PODXL: variants seen among roughly 807,000 people sequenced by gnomAD.
The protein encoded by PODXL is podocalyxin.
A neutral mutation model predicts 48.9 loss-of-function variants in PODXL; 20 were observed. The ratio of observed to expected loss-of-function variants is 0.41; its 90% CI spans 0.29 to 0.59. The LOEUF is 0.59. PODXL is among the 20% of genes least tolerant of loss of function. PODXL has a pLI of 0.31. For missense variants in PODXL, 606 were observed against 675.1 expected (o/e 0.90, Z 1.13); for synonymous variants, 295 against 287.4 (o/e 1.03, Z -0.27).
chr7:131,535,588 G>C (rs1174987680), intron 1 of PODXL, among the ~76,000 whole-genome samples: 2 of 152,186 alleles, frequency 1.3e-5, no homozygotes, highest in Non-Finnish European at 2.9e-5. Context: ...GGGCCATACA[G>C]TCTCTGCCGC....
At chr7:131,527,307 G>A (rs1798203940) in intron 1 of PODXL, among the ~76,000 whole-genome samples, 1 of 152,022 alleles carries the variant, frequency 6.6e-6, no homozygotes, top group Non-Finnish European at 1.5e-5. Flanking sequence ...AATAATATTA[G>A]GCAATAAAAG....
Position 131,505,916 on chromosome 7 carries a change from C to T in PODXL, c.1431G>A (p.Ala477=), listed in dbSNP as rs138478935. ...VCMASFLLLV[A]ALYGCCHQRL... ...GCTGGTGGCAGCAGCCATAGAGGGC[C>T]GCCACGAGGAGCAGGAATGATGCCA... Residue 477 remains alanine (A), a synonymous_variant, in exon 8 of 9, where the codon GCG becomes GCA. Coordinates refer to ENST00000378555, the MANE Select transcript of PODXL (RefSeq NM_001018111.3). The T allele has an allele frequency of 4.4e-5, 69 of 1,585,938 alleles. No homozygotes were observed. The highest frequency in any genetic ancestry group is 4.0e-4 in the African/African-American group (30 of 74,810).
rs1317840933 is a variant in PODXL at position 131,509,368 on chromosome 7, G to C, written c.1020C>G (p.Asn340Lys). Residue 340 changes from asparagine (N) to lysine (K), a missense_variant, in exon 4 of 9, where the codon AAC (asparagine) becomes AAG (lysine). Coordinates refer to ENST00000378555, the MANE Select transcript of PODXL (RefSeq NM_001018111.3). ...GCCCCACCCCTGCTGGAGTTACCCA[G>C]TTACTCTCATGAGCCACAGTGGGAG... The part of the protein sequence containing the change: ...TPSPTVAHES[N>K]WAKCEDLETQ... 6.2e-7 allele frequency: 1 copy of C among 1,612,980 alleles called. No individual in the cohort carries two copies. The highest frequency in any genetic ancestry group is 8.5e-7 in the Non-Finnish European group (1 of 1,178,972).
chr7:131,537,385 G>A (rs1417787588), intron 1 of PODXL, among the ~76,000 whole-genome samples: 1 of 151,754 alleles, frequency 6.6e-6, no homozygotes, highest in Non-Finnish European at 1.5e-5. Flanking sequence ...TCAGGAGTTC[G>A]AGACAATCCT....
chr7:131,544,645 ACGCCCTGTACTACGCACG>A lies in PODXL; in HGVS notation c.100+11597_100+11614del, dbSNP rs1798538870. On this transcript the variant is annotated intron_variant, in intron 1 of 8. Transcript: ENST00000378555. ...AGGGAGCAGCAGGGCCTCCGCACGC[ACGCCCTGTACTACGCACG>A]CACGCCCTGTACTACGCTTGGCAGT... Among the ~76,000 whole-genome samples, 7 of 24,696 alleles carry A rather than the reference ACGCCCTGTACTACGCACG, an allele frequency of 2.8e-4. No individual in the cohort carries two copies. In the Non-Finnish European group the frequency reaches 4.1e-3, roughly 15 times the overall value. The allele number at this position is 24,696 out of a possible 152,430, so 16.2% of individuals were successfully genotyped here.
chr7:131,523,205 A>G (rs950777164), intron 1 of PODXL, among the ~76,000 whole-genome samples: 3 of 152,256 alleles, frequency 2.0e-5, no homozygotes, highest in African/African-American at 7.2e-5. Context: ...CATCTTTTCC[A>G]TTATTGCCAT....
rs1797677866 is a variant in PODXL at position 131,500,317 on chromosome 7, T to C, written c.*3994A>G. ...TGACAGTATACAATTTTCCAAAATATATTTTTGTAAGAAAATGCAATAATT... is the reference window on the plus strand; with the variant it reads ...TGACAGTATACAATTTTCCAAAATACATTTTTGTAAGAAAATGCAATAATT... On this transcript the variant is annotated 3_prime_UTR_variant, in exon 9 of 9. Coordinates refer to ENST00000378555, the MANE Select transcript of PODXL (RefSeq NM_001018111.3). The C allele has an allele frequency of 6.6e-6, 1 of 152,612 alleles. No homozygotes were observed. 9.5% of individuals were successfully genotyped at this position (152,612 alleles called of 1,614,324 possible).
chr7:131,511,269 A>G lies in PODXL; in HGVS notation c.265T>C (p.Ser89Pro). The change falls in exon 2 of 9, where the codon TCA becomes CCA. Residue 89 changes from serine (S) to proline (P), a missense_variant. Transcript: ENST00000378555. Reference protein sequence around the residue: ...KATTLGVSSDSPGTTTLAQQV... With the variant: ...KATTLGVSSDPPGTTTLAQQV... ...TGAGCCAGGGTTGTAGTCCCCGGTG[A>G]GTCACTGGATACACCAAGGGTGGTC... 1 of 1,613,810 alleles carries G rather than the reference A, an allele frequency of 6.2e-7. No homozygotes were observed. Among genetic ancestry groups the G allele is most frequent in the Non-Finnish European group, 8.5e-7 (1 of 1,179,896 alleles).
chr7:131,541,098 C>T (rs1400787222), intron 1 of PODXL, among the ~76,000 whole-genome samples: 1 of 152,188 alleles, frequency 6.6e-6, no homozygotes, highest in East Asian at 1.9e-4. Context: ...GGGCACGTTC[C>T]CCAGGCAAAA....
chr7:131,520,304 G>A (rs1798071642), intron 1 of PODXL: 2 of 525,408 alleles, frequency 3.8e-6, no homozygotes, highest in African/African-American at 1.9e-5. Context: ...GAAAGAGATG[G>A]GAACTCCAGA....
At chr7:131,544,122 G>A (rs888810988) in intron 1 of PODXL, among the ~76,000 whole-genome samples, 3 of 152,206 alleles carry the variant, frequency 2.0e-5, no homozygotes, top group African/African-American at 7.2e-5. Flanking sequence ...CAGAGGATCT[G>A]TTTCTTTTGC....
At chr7:131,546,283 A>G (rs1798574383) in intron 1 of PODXL, among the ~76,000 whole-genome samples, 1 of 152,188 alleles carries the variant, frequency 6.6e-6, no homozygotes, top group African/African-American at 2.4e-5. Flanking sequence ...GAGGGAGTGT[A>G]CAGTGGGCGT....
chr7:131,525,426 C>CAAAAAAAA lies in PODXL; in HGVS notation c.101-14001_101-13994dup, dbSNP rs57927217. 2.2e-4 allele frequency among the ~76,000 whole-genome samples: 13 copies of CAAAAAAAA among 59,224 alleles called. 2 individuals carry two copies. The highest frequency in any genetic ancestry group is 3.5e-4 in the Non-Finnish European group (12 of 34,428). The allele number at this position is 59,224 out of a possible 152,430, so 38.9% of individuals were successfully genotyped here. A position where few individuals can be genotyped will look rare whatever the true frequency, so the allele number is the denominator to read the frequency against. ...CAACATGGCAAAACCTCATCTCTACCAAAAAAAAAAAAAAAAAAAAAAAAA... is the reference window on the plus strand; with the variant it reads ...CAACATGGCAAAACCTCATCTCTACCAAAAAAAAAAAAAAAAAAAAAAAAAAAAAAAAA... On this transcript the variant is annotated intron_variant, in intron 1 of 8. Coordinates refer to ENST00000378555, the MANE Select transcript of PODXL (RefSeq NM_001018111.3).
At chr7:131,515,742 G>A (rs1257521586) in intron 1 of PODXL, among the ~76,000 whole-genome samples, 1 of 151,588 alleles carries the variant, frequency 6.6e-6, no homozygotes, top group Non-Finnish European at 1.5e-5. Context: ...GGGTGTAGAT[G>A]AATCAGACTA....
At chr7:131,523,420 C>T (rs761465816) in intron 1 of PODXL, among the ~76,000 whole-genome samples, 2 of 152,108 alleles carry the variant, frequency 1.3e-5, no homozygotes, top group South Asian at 2.1e-4. Context: ...TGGTGGCTCA[C>T]GCCTGTAATC....
chr7:131,525,600 CA>C (rs988520356), intron 1 of PODXL, among the ~76,000 whole-genome samples: 46 of 134,140 alleles, frequency 3.4e-4, no homozygotes, highest in Admixed American at 4.5e-4. Context: ...AACTCCATCT[CA>C]AAAAAAAAAA....
In PODXL at chr7:131,502,788, A is replaced by G. The variant is rs758688472; in HGVS notation, c.*1523T>C. 2.6e-4 allele frequency: 40 copies of G among 152,630 alleles called. No individual in the cohort carries two copies. The highest frequency in any genetic ancestry group is 5.8e-4 in the African/African-American group (24 of 41,440). 9.5% of individuals were successfully genotyped at this position (152,630 alleles called of 1,614,324 possible). ...TGCCCACTGCTTAGGAGCCTTCTAC[A>G]TGGCAGCTAACTGCCGAGCCCATAA... On this transcript the variant is annotated 3_prime_UTR_variant, in exon 9 of 9. Coordinates refer to ENST00000378555, the MANE Select transcript of PODXL (RefSeq NM_001018111.3).
intron 1 of PODXL, chr7:131,520,490 T>A: frequency 5.3e-6 from 1 of 187,142 alleles, no homozygotes; most frequent in African/African-American, 2.4e-5. Flanking sequence ...CTATAGACAG[T>A]CAGTGTGGAT....
In PODXL at chr7:131,511,032, T is replaced by C. The variant is rs749795595; in HGVS notation, c.502A>G (p.Thr168Ala). 1.9e-6 allele frequency: 3 copies of C among 1,614,160 alleles called. No individual in the cohort carries two copies. The South Asian group carries it at 3.3e-5, about 18-fold the overall frequency. Residue 168 changes from threonine to alanine, a missense_variant, in exon 2 of 9, where the codon ACA (threonine) becomes GCA (alanine). Thr to Ala is a moderately conservative substitution (Grantham distance 58, BLOSUM62 0). Transcript: ENST00000378555. ...TCTGCCTTAGTGGATGTGAGGTCTG[T>C]GGTCACACTGTGGCTGCTTTTCCCC... The part of the protein sequence containing the change: ...SGGKSSHSVT[T>A]DLTSTKAEHL...
Sources: gnomAD v4.1 joint callset for allele counts (sites outside exome capture counted in the v4.1 genomes callset) on GRCh38, gnomAD v4.1.1 for gene constraint, MANE v1.5 for transcripts, NCBI Gene and HGNC (gene_info 2026-07-23, HGNC 2026-07-21) for gene names.